SLIT3: variants seen among roughly 807,000 people sequenced by gnomAD.
SLIT3 encodes the protein slit homolog 3 protein.
SLIT3 carries 68 observed loss-of-function variants against 184.0 expected under a neutral mutation model. That is an observed-to-expected ratio of 0.37 (90% CI 0.30 to 0.45). The LOEUF is 0.45. Ranked by LOEUF, SLIT3 falls within the 20% of genes least tolerant of loss-of-function variation. SLIT3 has a pLI of 1.00. For missense variants in SLIT3, 1,707 were observed against 2,026.0 expected, an observed-to-expected ratio of 0.84 and a Z score of 3.02; for synonymous variants, 831 against 828.6, an observed-to-expected ratio of 1.00 and a Z score of -0.05.
At chr5:169,031,402 CA>C (rs1484116786) in intron 4 of SLIT3, among the ~76,000 whole-genome samples, 3 of 151,594 alleles carry the variant, frequency 2.0e-5, no homozygotes, top group Non-Finnish European at 4.4e-5. Flanking sequence ...AGATCTGAAA[CA>C]GATAATCTTA....
intron 4 of SLIT3, among the ~76,000 whole-genome samples, chr5:168,959,033 GGCCAT>G (rs1030044814): frequency 6.6e-6 from 1 of 152,258 alleles, no homozygotes; most frequent in African/African-American, 2.4e-5. Flanking sequence ...AGCTGAATGT[GGCCAT>G]GCCACCCTTC....
rs1281512725 is a variant in SLIT3, at chr5:169,193,662, T to TCTAC, written c.342-116_342-113dup. 1.1e-4 allele frequency: 86 copies of TCTAC among 816,954 alleles called. No homozygotes were observed. The Admixed American group carries it at 1.6e-3, about 15-fold the overall frequency. 50.6% of individuals were successfully genotyped at this position (816,954 alleles called of 1,614,324 possible). The stretch of plus-strand genomic sequence containing the variant: ...TCAATCAATAGGCATTAAGAGACTC[T>TCTAC]CTACGTCTTTCAGTATGGGCTGCTC... On this transcript the variant is annotated intron_variant, in intron 3 of 35. Coordinates refer to ENST00000519560, the MANE Select transcript of SLIT3 (RefSeq NM_003062.4).
intron 6 of SLIT3, among the ~76,000 whole-genome samples, chr5:168,838,336 T>C (rs576879986): frequency 2.6e-5 from 4 of 151,976 alleles, no homozygotes; most frequent in African/African-American, 9.7e-5. Flanking sequence ...CCTCATAAAG[T>C]TGTGGTGAAG....
intron 4 of SLIT3, among the ~76,000 whole-genome samples, chr5:169,158,750 C>G (rs1247401608): frequency 6.6e-6 from 1 of 152,018 alleles, no homozygotes; most frequent in African/African-American, 2.4e-5. Flanking sequence ...TTGTCAACAC[C>G]AGTAGAATGT....
In SLIT3 at chr5:168,848,212, C is replaced by A. The variant is rs550034391; in HGVS notation, c.486-3557G>T. On this transcript the variant is annotated intron_variant, in intron 5 of 35. Transcript: ENST00000519560. ...AAAGGTGTCAGGGCTGAGCCCAAGC[C>A]GTATGGAATAAAGCTCTAAGCCATA... Among the ~76,000 whole-genome samples the A allele has an allele frequency of 1.6e-4, 24 of 152,332 alleles. No homozygotes were observed. In the East Asian group the frequency reaches 3.7e-3, roughly 23 times the overall value.
chr5:169,124,644 G>GTTAAA (rs1761009123), intron 4 of SLIT3, among the ~76,000 whole-genome samples: 1 of 152,152 alleles, frequency 6.6e-6, no homozygotes, highest in African/African-American at 2.4e-5. Flanking sequence ...AAAGAAAGAA[G>GTTAAA]TTAAATGTTT....
chr5:168,981,113 T>A (rs966748218), intron 4 of SLIT3, among the ~76,000 whole-genome samples: 8 of 152,254 alleles, frequency 5.3e-5, no homozygotes, highest in East Asian at 1.9e-4. Flanking sequence ...AACATTCACA[T>A]GCAAGGCGCT....
chr5:169,140,791 G>C (rs1366781608), intron 4 of SLIT3, among the ~76,000 whole-genome samples: 1 of 152,136 alleles, frequency 6.6e-6, no homozygotes, highest in African/African-American at 2.4e-5. Context: ...CAGAGTGAGA[G>C]ACCCTCTCTC....
intron 3 of SLIT3, among the ~76,000 whole-genome samples, chr5:169,206,886 G>C (rs1326604829): frequency 6.6e-6 from 1 of 151,956 alleles, no homozygotes; most frequent in African/African-American, 2.4e-5. Flanking sequence ...TCCCGATTCA[G>C]GTCCAAGGTT....
At chr5:169,206,668 A>C (rs934776938) in intron 3 of SLIT3, among the ~76,000 whole-genome samples, 6 of 152,200 alleles carry the variant, frequency 3.9e-5, no homozygotes, top group African/African-American at 1.4e-4. Context: ...TTTTTGTTCT[A>C]AACACTCAAA....
intron 3 of SLIT3, among the ~76,000 whole-genome samples, chr5:169,238,336 T>A (rs951760182): frequency 1.3e-5 from 2 of 152,108 alleles, no homozygotes; most frequent in African/African-American, 4.8e-5. Context: ...TAAATTCTTC[T>A]AGCCAGTTTT....
At chr5:168,866,181 C>T (rs1334350959) in intron 5 of SLIT3, among the ~76,000 whole-genome samples, 4 of 152,214 alleles carry the variant, frequency 2.6e-5, no homozygotes. Context: ...CAGGCGGAGT[C>T]AGCATTTGCT....
In SLIT3 at chr5:168,724,476, T is replaced by A; in HGVS notation, c.2279A>T (p.Glu760Val). The A allele has an allele frequency of 6.2e-7, 1 of 1,612,786 alleles. No homozygotes were observed. Among genetic ancestry groups the A allele is most frequent in the Non-Finnish European group, 8.5e-7 (1 of 1,179,268 alleles). The change falls in exon 21 of 36, where the codon GAA becomes GTA. Residue 760 changes from glutamate (E) to valine (V), a missense_variant. This residue lies in a region of SLIT3 where 1,307 missense variants were observed against 1,511.6 expected (regional missense o/e 0.86). Coordinates refer to ENST00000519560, the MANE Select transcript of SLIT3 (RefSeq NM_003062.4). ...GGGCACGGCTGTTAGGTGGTTTCCTTCCAGGTACCTGAAAGAGGTGTGGAG... is the reference window on the plus strand; with the variant it reads ...GGGCACGGCTGTTAGGTGGTTTCCTACCAGGTACCTGAAAGAGGTGTGGAG... ...MPKDVTELYLEGNHLTAVPRE... is the reference protein window; with the variant it reads ...MPKDVTELYLVGNHLTAVPRE...
intron 4 of SLIT3, among the ~76,000 whole-genome samples, chr5:169,076,053 C>T (rs1758727233): frequency 6.6e-6 from 1 of 152,212 alleles, no homozygotes; most frequent in South Asian, 2.1e-4. Context: ...CTGAGCCCCT[C>T]TGTTCTCTGT....
At chr5:169,224,033 C>T (rs12653501) in intron 3 of SLIT3, among the ~76,000 whole-genome samples, 98,573 of 152,034 alleles carry the variant, frequency 0.65, 32,295 homozygotes, top group East Asian at 0.77. Flanking sequence ...TAAGAAGATA[C>T]ATCGGATTAG....
At chr5:169,015,937 C>A (rs1581307553) in intron 4 of SLIT3, among the ~76,000 whole-genome samples, 1 of 70,820 alleles carries the variant, frequency 1.4e-5, no homozygotes, top group Non-Finnish European at 2.5e-5. Flanking sequence ...TATAAACACA[C>A]ACACACACAC....
At position 168,687,054 on chromosome 5, in the gene SLIT3, G is replaced by C. The variant is rs768815094; in HGVS notation, c.3239C>G (p.Ala1080Gly). The stretch of plus-strand genomic sequence containing the variant: ...CTGGGCCCCGTGGCGGCACTTGTGG[G>C]CCACACAGTCATCATTGTCTGTCTC... ...LCETDNDDCV[A>G]HKCRHGAQCV... Residue 1080 changes from alanine (A) to glycine (G), a missense_variant, in exon 30 of 36, where the codon GCC becomes GGC. Coordinates refer to ENST00000519560, the MANE Select transcript of SLIT3 (RefSeq NM_003062.4). 6.2e-7 allele frequency: 1 copy of C among 1,614,260 alleles called. No homozygotes were observed. The highest frequency in any genetic ancestry group is 8.5e-7 in the Non-Finnish European group (1 of 1,180,050).
At chr5:168,898,314 C>T (rs960802711) in intron 4 of SLIT3, among the ~76,000 whole-genome samples, 1 of 151,904 alleles carries the variant, frequency 6.6e-6, no homozygotes, top group African/African-American at 2.4e-5. Flanking sequence ...GAGTGGCTGG[C>T]TCGAAATCAA....
In SLIT3 at chr5:168,844,568, C is replaced by T. The variant is rs561833230; in HGVS notation, c.557+16G>A. ...ATGCACGCACACACAAGGCAGCGAT[C>T]GCAAAATCAACTCACAGGATCTCCA... is the stretch of plus-strand genomic sequence containing the variant. On this transcript the variant is annotated intron_variant, in intron 6 of 35. Transcript: ENST00000519560. 2.5e-6 allele frequency: 4 copies of T among 1,613,422 alleles called. No homozygotes were observed. Among genetic ancestry groups the T allele is most frequent in the South Asian group, 1.1e-5 (1 of 91,056 alleles).
Sources: gnomAD v4.1 joint callset for allele counts (sites outside exome capture counted in the v4.1 genomes callset) on GRCh38, gnomAD v4.1.1 for gene constraint, gnomAD v4.1.1 regional missense constraint, MANE v1.5 for transcripts, NCBI Gene and HGNC (gene_info 2026-07-23, HGNC 2026-07-21) for gene names.